Variants in PAPPA observed in about 807,000 individuals in gnomAD.
The protein encoded by PAPPA is pappalysin-1.
In PAPPA, 60 loss-of-function variants were observed where a neutral mutation model predicts 164.0. The ratio of observed to expected loss-of-function variants is 0.37; its 90% CI spans 0.30 to 0.45. The LOEUF (loss-of-function observed/expected upper bound fraction) is 0.45, where lower values mean the gene tolerates loss of function less well. PAPPA is among the 20% of genes least tolerant of loss of function. The pLI is 1.00. For synonymous variants in PAPPA, 875 were observed against 814.1 expected (o/e 1.07, Z -1.27); for missense variants, 1,782 against 2,087.3 (o/e 0.85, Z 2.85).
In PAPPA at chr9:116,154,282, C is replaced by A. The variant is rs1275481838; in HGVS notation, c.110C>A (p.Pro37His). Residue 37 changes from proline to histidine, a missense_variant, in exon 1 of 22, where the codon CCC becomes CAC. By Grantham distance (77) the Pro-to-His change is moderately conservative (BLOSUM62 -2). This residue lies in a region of PAPPA where 458 missense variants were observed against 430.3 expected (regional missense o/e 1.06). Transcript: ENST00000328252. This position sits in a 1 kb window ranked among gnomAD's most constrained non-coding sequence, Gnocchi z 5.2. ...CGGAGAGACCCGCGGGCCGGCCGAC[C>A]CCCGCGCCCCGCCGCCGGCCCGGCC... ...RARRDPRAGR[P>H]PRPAAGPATC... is the part of the protein sequence containing the mutation. 6 of 996,548 alleles carry A rather than the reference C, an allele frequency of 6.0e-6. No individual in the cohort carries two copies. In the South Asian group the frequency reaches 1.4e-4, roughly 23 times the overall value. The allele number at this position is 996,548 out of a possible 1,614,324, so 61.7% of individuals were successfully genotyped here.
chr9:116,389,105 C>T (rs1334215903), intron 21 of PAPPA, among the ~76,000 whole-genome samples: 1 of 148,866 alleles, frequency 6.7e-6, no homozygotes, highest in Non-Finnish European at 1.5e-5. Flanking sequence ...AGTGTCTCTT[C>T]TTGACCTAGC....
intron 1 of PAPPA, among the ~76,000 whole-genome samples, chr9:116,164,192 T>C (rs1843697192): frequency 6.6e-6 from 1 of 152,202 alleles, no homozygotes; most frequent in Admixed American, 6.5e-5. Context: ...CTCTGGAGTC[T>C]GTCATCATTT....
intron 1 of PAPPA, among the ~76,000 whole-genome samples, chr9:116,158,850 T>A (rs1306167704): frequency 1.3e-5 from 2 of 152,136 alleles, no homozygotes; most frequent in Non-Finnish European, 2.9e-5. Context: ...TTTCAGAGAG[T>A]TGAAATGACT....
At chr9:116,317,609 C>T (rs994383067) in intron 10 of PAPPA, among the ~76,000 whole-genome samples, 27 of 152,208 alleles carry the variant, frequency 1.8e-4, no homozygotes, top group Non-Finnish European at 4.4e-5. Flanking sequence ...GAAGGCATTA[C>T]CCAGCCCTGT....
intron 9 of PAPPA, among the ~76,000 whole-genome samples, chr9:116,295,343 T>A (rs1452230044): frequency 6.6e-6 from 1 of 151,874 alleles, no homozygotes; most frequent in Non-Finnish European, 1.5e-5. Context: ...CACCTGAGGT[T>A]AAGAGTTCGA....
At chr9:116,214,119 C>T (rs1238010193) in intron 4 of PAPPA, among the ~76,000 whole-genome samples, 2 of 152,044 alleles carry the variant, frequency 1.3e-5, no homozygotes, top group African/African-American at 4.8e-5. Context: ...CTGTGTTGGC[C>T]AGTATGGTAG....
chr9:116,285,838 G>A (rs1413146895), intron 9 of PAPPA: 1 of 152,228 alleles, frequency 6.6e-6, no homozygotes, highest in Non-Finnish European at 1.5e-5. Context: ...TATTTCTTAA[G>A]AGACAGTTTT....
rs371256228 is a variant in PAPPA, at chr9:116,273,470, C to A, written c.2953+2054C>A. On this transcript the variant is annotated intron_variant, in intron 9 of 21. Coordinates refer to ENST00000328252, the MANE Select transcript of PAPPA (RefSeq NM_002581.5). ...CCAAAGAAACTAAAATATTTATTAT[C>A]TGGTATTTTACCTGTGAAGTTTATC... 2.0e-4 allele frequency among the ~76,000 whole-genome samples: 31 copies of A among 152,294 alleles called. No individual in the cohort carries two copies. The East Asian group carries it at 2.5e-3, about 12-fold the overall frequency.
chr9:116,180,644 T>C (rs776737388), intron 1 of PAPPA, among the ~76,000 whole-genome samples: 3 of 152,142 alleles, frequency 2.0e-5, no homozygotes, highest in Non-Finnish European at 2.9e-5. Context: ...ATAATACGAA[T>C]TGCATATAAA....
intron 9 of PAPPA, among the ~76,000 whole-genome samples, chr9:116,300,109 G>A (rs900950690): frequency 2.0e-5 from 3 of 151,976 alleles, no homozygotes; most frequent in Non-Finnish European, 2.9e-5. Context: ...ATGTAGAGTG[G>A]CCACATTCAC....
intron 7 of PAPPA, among the ~76,000 whole-genome samples, chr9:116,245,241 A>C (rs1008990714): frequency 1.3e-5 from 2 of 152,164 alleles, no homozygotes; most frequent in African/African-American, 4.8e-5. Flanking sequence ...ATACCCCCCA[A>C]ACCCTGAATT....
intron 9 of PAPPA, among the ~76,000 whole-genome samples, chr9:116,297,233 T>C (rs1266130512): frequency 6.6e-6 from 1 of 152,174 alleles, no homozygotes; most frequent in Non-Finnish European, 1.5e-5. Flanking sequence ...AGAAGACTTA[T>C]AGCCAAAATA....
At chr9:116,334,111 A>C (rs1052997036) in intron 12 of PAPPA, among the ~76,000 whole-genome samples, 1 of 151,984 alleles carries the variant, frequency 6.6e-6, no homozygotes, top group African/African-American at 2.4e-5. Flanking sequence ...TCCACCCAAC[A>C]CCAAAGCCAA....
chr9:116,261,532 G>T (rs994297678), intron 7 of PAPPA, among the ~76,000 whole-genome samples: 1 of 152,132 alleles, frequency 6.6e-6, no homozygotes, highest in African/African-American at 2.4e-5. Context: ...CACATGACTT[G>T]TCTACAGATT....
intron 20 of PAPPA, among the ~76,000 whole-genome samples, chr9:116,378,468 C>A (rs1846683857): frequency 6.6e-6 from 1 of 152,172 alleles, no homozygotes; most frequent in Admixed American, 6.5e-5. Flanking sequence ...ATCCAGAGCC[C>A]ACTGAGGCAA....
chr9:116,159,073 A>T (rs1843634878), intron 1 of PAPPA, among the ~76,000 whole-genome samples: 1 of 152,242 alleles, frequency 6.6e-6, no homozygotes, highest in Non-Finnish European at 1.5e-5. Flanking sequence ...ATAAATCTCA[A>T]CTGAAGCCCT....
chr9:116,383,168 A>G (rs1177988312), intron 21 of PAPPA, among the ~76,000 whole-genome samples: 1 of 152,168 alleles, frequency 6.6e-6, no homozygotes, highest in Admixed American at 6.5e-5. Context: ...CCCCTCACAG[A>G]AAAGTGGCCA....
At chr9:116,373,379 A>G (rs1846601476) in intron 19 of PAPPA, 1 of 152,180 alleles carries the variant, frequency 6.6e-6, no homozygotes, top group African/African-American at 2.4e-5. Flanking sequence ...CTTACCCTGG[A>G]AAGAAGCCAG....
rs1486208497 is a variant in PAPPA at position 116,400,659 on chromosome 9, A to AAAC, written c.*4046_*4048dup. ...GTAATCCCACTGAGTGAGTTTTGAG[A>AAAC]AACAAATCAAACGAAGTAAACAAGA... is the stretch of plus-strand genomic sequence containing the variant. On this transcript the variant is annotated 3_prime_UTR_variant, in exon 22 of 22. Coordinates refer to ENST00000328252, the MANE Select transcript of PAPPA (RefSeq NM_002581.5). 2.0e-5 allele frequency: 3 copies of AAAC among 152,234 alleles called. No homozygotes were observed. Among genetic ancestry groups the AAAC allele is most frequent in the African/African-American group, 7.2e-5 (3 of 41,460 alleles). 9.4% of individuals were successfully genotyped at this position (152,234 alleles called of 1,614,324 possible).
Sources: allele counts gnomAD v4.1 joint callset (sites outside exome capture counted in the v4.1 genomes callset), GRCh38; gene constraint gnomAD v4.1.1; regional missense constraint gnomAD v4.1.1; non-coding constraint Gnocchi (gnomAD v3.1); transcripts MANE v1.5; gene names NCBI Gene and HGNC (gene_info 2026-07-23, HGNC 2026-07-21).